The following LTBP1 variants were observed in gnomAD, a reference collection of about 807,000 sequenced individuals.
LTBP1 encodes latent transforming growth factor beta binding protein 1.
Under a neutral mutation model 207.6 loss-of-function variants are expected in LTBP1, and 129 were observed. That is an observed-to-expected ratio of 0.62 (90% CI 0.54 to 0.72). The LOEUF (loss-of-function observed/expected upper bound fraction) is 0.72. Ranked by LOEUF, LTBP1 falls within the 30% of genes least tolerant of loss-of-function variation. The pLI is 0.00. For synonymous variants in LTBP1, 963 were observed against 833.7 expected, an observed-to-expected ratio of 1.16 and a Z score of -2.67; for missense variants, 2,281 against 2,217.2, an observed-to-expected ratio of 1.03 and a Z score of -0.58.
chr2:33,148,007 C>T (rs1169189440), intron 5 of LTBP1, among the ~76,000 whole-genome samples: 2 of 152,192 alleles, frequency 1.3e-5, no homozygotes, highest in Non-Finnish European at 2.9e-5. Context: ...TGGGATGTAG[C>T]CCAAATCCCA....
chr2:33,387,925 G>C (rs2095281931), intron 31 of LTBP1, among the ~76,000 whole-genome samples: 1 of 152,156 alleles, frequency 6.6e-6, no homozygotes, highest in Non-Finnish European at 1.5e-5. Flanking sequence ...ATGTCCATCT[G>C]GTCCTGGGGC....
At chr2:33,266,421 G>A (rs1573515403) in intron 15 of LTBP1, among the ~76,000 whole-genome samples, 2 of 152,308 alleles carry the variant, frequency 1.3e-5, no homozygotes, top group South Asian at 4.2e-4. Context: ...GGAAAGGGGT[G>A]AGTCCTCAGT....
chr2:33,170,524 A>C (rs562178549), intron 5 of LTBP1, among the ~76,000 whole-genome samples: 84 of 152,350 alleles, frequency 5.5e-4, no homozygotes, highest in African/African-American at 2.0e-3. Flanking sequence ...GGTGGAGCCC[A>C]CCACAGCTCA....
chr2:33,100,582 A>G (rs1223787330), intron 3 of LTBP1, among the ~76,000 whole-genome samples: 1 of 151,930 alleles, frequency 6.6e-6, no homozygotes, highest in Non-Finnish European at 1.5e-5. Flanking sequence ...AACCATTTTC[A>G]TTGTACAGTT....
chr2:33,168,399 C>CA (rs10616798), intron 5 of LTBP1, among the ~76,000 whole-genome samples: 1,848 of 103,496 alleles, frequency 0.018, 10 homozygotes, highest in Non-Finnish European at 0.023. Context: ...GTCTTTGTCT[C>CA]AAAAAAAAAA....
intron 15 of LTBP1, among the ~76,000 whole-genome samples, chr2:33,268,218 A>G (rs1387103958): frequency 6.6e-6 from 1 of 152,260 alleles, no homozygotes; most frequent in Non-Finnish European, 1.5e-5. Context: ...GTATGTTCCC[A>G]TCGGTTTCAT....
rs748600270 is a variant in LTBP1 at position 33,300,511 on chromosome 2, G to T, written c.3296G>T (p.Gly1099Val). ...CVNGQCKNTEGSFRCTCGQGY... is the reference protein window; with the variant it reads ...CVNGQCKNTEVSFRCTCGQGY... ...AACGGGCAGTGCAAAAATACCGAGG[G>T]CTCCTTCAGGTGCACCTGTGGACAG... Residue 1099 changes from glycine to valine, a missense_variant, in exon 21 of 34, where the codon GGC (glycine) becomes GTC (valine). Coordinates refer to ENST00000404816, the MANE Select transcript of LTBP1 (RefSeq NM_206943.4). 3 of 1,613,776 alleles carry T rather than the reference G, an allele frequency of 1.9e-6. No individual in the cohort carries two copies. Among genetic ancestry groups the T allele is most frequent in the Non-Finnish European group, 2.5e-6 (3 of 1,179,782 alleles).
chr2:33,088,950 G>A (rs1251345786), intron 3 of LTBP1, among the ~76,000 whole-genome samples: 4 of 152,046 alleles, frequency 2.6e-5, no homozygotes, highest in Non-Finnish European at 5.9e-5. Context: ...GAGATCAGGA[G>A]TTTGAGACCA....
At chr2:33,365,022 TAGG>T (rs1173343482) in intron 30 of LTBP1, among the ~76,000 whole-genome samples, 1 of 151,960 alleles carries the variant, frequency 6.6e-6, no homozygotes, top group Non-Finnish European at 1.5e-5. Flanking sequence ...AAGTGAAGAT[TAGG>T]AGAGTGAGAA....
chr2:33,118,218 CA>C (rs34111004), intron 4 of LTBP1, among the ~76,000 whole-genome samples: 3 of 143,898 alleles, frequency 2.1e-5, no homozygotes, highest in African/African-American at 5.1e-5. Flanking sequence ...AAAAAAACAA[CA>C]AAAAAAACTG....
At chr2:33,066,427 G>T (rs995809825) in intron 3 of LTBP1, among the ~76,000 whole-genome samples, 1 of 152,168 alleles carries the variant, frequency 6.6e-6, no homozygotes, top group Admixed American at 6.5e-5. Context: ...AGTGTTTTTA[G>T]TGGCATGTGT....
chr2:33,072,895 C>T (rs1389885995), intron 3 of LTBP1, among the ~76,000 whole-genome samples: 1 of 152,168 alleles, frequency 6.6e-6, no homozygotes, highest in Non-Finnish European at 1.5e-5. Context: ...TTATGGTCTA[C>T]CACCACTTCA....
intron 22 of LTBP1, among the ~76,000 whole-genome samples, chr2:33,303,413 G>A (rs1482724061): frequency 7.4e-5 from 11 of 147,972 alleles, no homozygotes; most frequent in Non-Finnish European, 1.0e-4. Context: ...GCAGTGGCAC[G>A]ATCTCAGCTC....
chr2:33,105,680 G>T (rs868729886), intron 3 of LTBP1, among the ~76,000 whole-genome samples: 1 of 152,084 alleles, frequency 6.6e-6, no homozygotes, highest in African/African-American at 2.4e-5. Context: ...TGATCCACCC[G>T]CTTCGGCCTC....
intron 18 of LTBP1, among the ~76,000 whole-genome samples, chr2:33,277,574 C>T (rs2093452430): frequency 1.3e-5 from 2 of 151,952 alleles, no homozygotes; most frequent in Non-Finnish European, 2.9e-5. Flanking sequence ...TGTTAGTTTT[C>T]AAGAAGTTAT....
chr2:33,220,240 C>T (rs181201356), intron 8 of LTBP1, among the ~76,000 whole-genome samples: 14 of 152,324 alleles, frequency 9.2e-5, no homozygotes, highest in Non-Finnish European at 1.0e-4. Flanking sequence ...AAAAGTTTTC[C>T]TTTCCTTGGT....
At chr2:33,391,992 G>A (rs1277654539) in intron 32 of LTBP1, among the ~76,000 whole-genome samples, 1 of 152,168 alleles carries the variant, frequency 6.6e-6, no homozygotes, top group Admixed American at 6.5e-5. Context: ...CCTCCAGCAA[G>A]GGCTTTTGGA....
chr2:33,283,183 T>C (rs2093595594), intron 19 of LTBP1, among the ~76,000 whole-genome samples: 1 of 151,448 alleles, frequency 6.6e-6, no homozygotes, highest in Non-Finnish European at 1.5e-5. Context: ...GTACAATATA[T>C]AGGATGTCAG....
intron 24 of LTBP1, among the ~76,000 whole-genome samples, chr2:33,332,527 G>C (rs566111143): frequency 2.8e-4 from 43 of 151,298 alleles, no homozygotes; most frequent in African/African-American, 1.0e-3. Context: ...ATAGTTTTTA[G>C]CATTTAAAAA....
Sources: gnomAD v4.1 joint callset for allele counts (sites outside exome capture counted in the v4.1 genomes callset) on GRCh38, gnomAD v4.1.1 for gene constraint, MANE v1.5 for transcripts, NCBI Gene and HGNC (gene_info 2026-07-23, HGNC 2026-07-21) for gene names.